Variants in TRAK1 observed in about 807,000 individuals in gnomAD.
TRAK1 encodes trafficking kinesin protein 1.
Under a neutral mutation model 92.1 loss-of-function variants are expected in TRAK1, and 33 were observed. The ratio of observed to expected loss-of-function variants is 0.36; its 90% confidence interval spans 0.27 to 0.48. The LOEUF (loss-of-function observed/expected upper bound fraction) is 0.48. TRAK1 is among the 20% of genes least tolerant of loss of function. The pLI, the probability that TRAK1 is intolerant of heterozygous loss-of-function variation, is 0.99. For missense variants in TRAK1, 1,123 were observed against 1,257.9 expected, an observed-to-expected ratio of 0.89 and a Z score of 1.62; for synonymous variants, 521 against 517.3, an observed-to-expected ratio of 1.01 and a Z score of -0.10.
At chr3:42,091,172 C>T (rs1004153022), upstream of TRAK1, 4 of 360,756 alleles carry the variant, frequency 1.1e-5, no homozygotes, top group Admixed American at 5.2e-5. Flanking sequence ...CATCACAAAG[C>T]CCCGTTCTCC....
intron 1 of TRAK1, among the ~76,000 whole-genome samples, chr3:42,103,474 C>T (rs1707086491): frequency 2.0e-5 from 3 of 152,188 alleles, no homozygotes; most frequent in African/African-American, 7.2e-5. Context: ...TATGCCTGGC[C>T]ATGCGTTCTT....
At chr3:42,195,664 A>G (rs1353827161) in intron 10 of TRAK1, among the ~76,000 whole-genome samples, 1 of 151,184 alleles carries the variant, frequency 6.6e-6, no homozygotes, top group Non-Finnish European at 1.5e-5. Context: ...CTTTGCTCCC[A>G]TGCATCAAAG....
chr3:42,091,361 A>T lies in TRAK1; in HGVS notation c.-109A>T. ...TTTGCCCTAACAAGCAAACTCAGAAAACTGCTGAGGAAGGCACGGGAGGGT... is the reference window on the plus strand; with the variant it reads ...TTTGCCCTAACAAGCAAACTCAGAATACTGCTGAGGAAGGCACGGGAGGGT... On this transcript the variant is annotated 5_prime_UTR_variant, in exon 1 of 16. Coordinates refer to ENST00000327628, the MANE Select transcript of TRAK1 (RefSeq NM_001042646.3). 2.1e-6 allele frequency: 2 copies of T among 955,866 alleles called. No homozygotes were observed. Among genetic ancestry groups the T allele is most frequent in the Non-Finnish European group, 3.2e-6 (2 of 630,674 alleles). The allele number at this position is 955,866 out of a possible 1,614,324, so 59.2% of individuals were successfully genotyped here.
chr3:42,079,293 C>T (rs965715582), intron 1 of TRAK1, among the ~76,000 whole-genome samples: 1 of 151,956 alleles, frequency 6.6e-6, no homozygotes, highest in South Asian at 2.1e-4. Flanking sequence ...GAGTAAAATC[C>T]CTTGGTATAT....
chr3:42,099,576 G>T (rs1706440777), intron 1 of TRAK1, among the ~76,000 whole-genome samples: 2 of 152,186 alleles, frequency 1.3e-5, no homozygotes, highest in Non-Finnish European at 2.9e-5. Context: ...TGTGGGCAGG[G>T]GCCCCTCCTT....
chr3:42,136,443 A>AG (rs1041876398), intron 2 of TRAK1, among the ~76,000 whole-genome samples: 1 of 152,166 alleles, frequency 6.6e-6, no homozygotes, highest in Admixed American at 6.5e-5. Flanking sequence ...TGGGCAACAT[A>AG]GGGAAACCCC....
At chr3:42,091,260 A>T (rs1705023076), upstream of TRAK1, 1 of 537,982 alleles carries the variant, frequency 1.9e-6, no homozygotes. Flanking sequence ...GCTTAACAAG[A>T]TGAGCTGATA....
At chr3:42,187,531 G>C (rs2149406691) in intron 4 of TRAK1, among the ~76,000 whole-genome samples, 1 of 152,046 alleles carries the variant, frequency 6.6e-6, no homozygotes, top group African/African-American at 2.4e-5. Flanking sequence ...GCAGTGGTGT[G>C]ATCTCAGCTC....
At chr3:42,218,645 T>C in intron 14 of TRAK1, 1 of 985,398 alleles carries the variant, frequency 1.0e-6, no homozygotes, top group Non-Finnish European at 1.2e-6. Context: ...GTCCTAACAC[T>C]TCCATGATTT....
chr3:42,077,946 C>T (rs1576255806), intron 1 of TRAK1, among the ~76,000 whole-genome samples: 1 of 152,164 alleles, frequency 6.6e-6, no homozygotes, highest in African/African-American at 2.4e-5. Context: ...CATCCCAGGC[C>T]TGGCAGCCAC....
chr3:42,118,288 C>T (rs1275876291), intron 1 of TRAK1, among the ~76,000 whole-genome samples: 1 of 151,542 alleles, frequency 6.6e-6, no homozygotes, highest in Non-Finnish European at 1.5e-5. Context: ...AACGGAGTTT[C>T]ACCATGTTGG....
Position 42,114,046 on chromosome 3 carries a change from C to T in TRAK1, c.92-11374C>T, listed in dbSNP as rs1708841833. On this transcript the variant is annotated intron_variant, in intron 1 of 15. Transcript: ENST00000327628. ...CTGCTTTCTGTCTCTGTGGACTTAC[C>T]TGTTCTGGACATTTCATATGAATGG... 2.6e-5 allele frequency among the ~76,000 whole-genome samples: 4 copies of T among 152,284 alleles called. No homozygotes were observed. In the South Asian group the frequency reaches 6.2e-4, roughly 24 times the overall value.
chr3:42,167,076 C>T (rs2149326096), intron 2 of TRAK1, among the ~76,000 whole-genome samples: 1 of 152,374 alleles, frequency 6.6e-6, no homozygotes. Flanking sequence ...GGGCAGACTG[C>T]TACTGCTCCT....
chr3:42,197,620 G>A (rs1205807029), intron 10 of TRAK1, among the ~76,000 whole-genome samples: 1 of 152,214 alleles, frequency 6.6e-6, no homozygotes, highest in East Asian at 1.9e-4. Flanking sequence ...TAAAAAATAA[G>A]CTGGCTTAAA....
At chr3:42,025,141 G>A (rs111843636) in intron 1 of TRAK1, among the ~76,000 whole-genome samples, 16 of 152,080 alleles carry the variant, frequency 1.1e-4, no homozygotes, top group East Asian at 1.9e-4. Context: ...CTTTGTTTAC[G>A]TCCTCCCTGC....
At chr3:42,146,218 T>C (rs1259091907) in intron 2 of TRAK1, 1 of 306,710 alleles carries the variant, frequency 3.3e-6, no homozygotes, top group Non-Finnish European at 6.7e-6. Flanking sequence ...AGTATCCAAA[T>C]GCGTCTTCAA....
chr3:42,131,002 C>G (rs570761002), intron 2 of TRAK1, among the ~76,000 whole-genome samples: 1 of 152,128 alleles, frequency 6.6e-6, no homozygotes, highest in Non-Finnish European at 1.5e-5. Context: ...TTTGCTCATT[C>G]ACTTGTGTCC....
chr3:42,178,930 A>G (rs528678460), intron 3 of TRAK1, among the ~76,000 whole-genome samples: 1 of 152,202 alleles, frequency 6.6e-6, no homozygotes, highest in South Asian at 2.1e-4. Flanking sequence ...CACCGAGATC[A>G]TGTCACTGCA....
At chr3:42,137,802 C>T (rs1480578521) in intron 2 of TRAK1, among the ~76,000 whole-genome samples, 1 of 152,072 alleles carries the variant, frequency 6.6e-6, no homozygotes, top group Non-Finnish European at 1.5e-5. Flanking sequence ...CCCACCAGTC[C>T]TGCGTTAGAG....
Sources: allele counts gnomAD v4.1 joint callset (sites outside exome capture counted in the v4.1 genomes callset), GRCh38; gene constraint gnomAD v4.1.1; transcripts MANE v1.5; gene names NCBI Gene and HGNC (gene_info 2026-07-23, HGNC 2026-07-21).